The following MPDZ variants were observed in gnomAD, a reference collection of about 807,000 sequenced individuals.
MPDZ encodes multiple PDZ domain crumbs cell polarity complex component.
In MPDZ, 234 loss-of-function variants were observed where a neutral mutation model predicts 239.1. The observed-to-expected ratio is 0.98, with a 90% CI of 0.88 to 1.09. The LOEUF (loss-of-function observed/expected upper bound fraction) is 1.09, where lower values mean the gene tolerates loss of function less well. Among genes scored for constraint, MPDZ ranks in the 50% least tolerant of loss-of-function variants. MPDZ has a pLI of 0.00. For synonymous variants in MPDZ, 1,048 were observed against 881.3 expected (o/e 1.19, Z -3.35); for missense variants, 3,175 against 2,510.0 (o/e 1.26, Z -5.66).
At chr9:13,261,244 G>A (rs1400769582) in intron 1 of MPDZ, among the ~76,000 whole-genome samples, 1 of 152,182 alleles carries the variant, frequency 6.6e-6, no homozygotes, top group Non-Finnish European at 1.5e-5. Flanking sequence ...CCGACATTAA[G>A]AGAGGCAGGC....
chr9:13,265,788 T>A (rs1356974727), intron 1 of MPDZ, among the ~76,000 whole-genome samples: 1 of 152,114 alleles, frequency 6.6e-6, no homozygotes, highest in Non-Finnish European at 1.5e-5. Context: ...AGGTGGCTTG[T>A]CAGTTGTGAC....
chr9:13,198,641 T>C (rs1335450317), intron 12 of MPDZ, among the ~76,000 whole-genome samples: 1 of 151,904 alleles, frequency 6.6e-6, no homozygotes, highest in African/African-American at 2.4e-5. Context: ...TTTTGTGAAA[T>C]TACATAAAAA....
chr9:13,232,220 G>C (rs1224284943), intron 3 of MPDZ, among the ~76,000 whole-genome samples: 1 of 152,138 alleles, frequency 6.6e-6, no homozygotes, highest in Non-Finnish European at 1.5e-5. Flanking sequence ...TGTAATAAGT[G>C]AACTTAGTAA....
intron 24 of MPDZ, among the ~76,000 whole-genome samples, chr9:13,152,288 C>T (rs1949278377): frequency 2.0e-5 from 3 of 152,092 alleles, no homozygotes; most frequent in African/African-American, 7.2e-5. Context: ...CTAACCTCCC[C>T]TGCTGATATG....
At chr9:13,272,677 A>C (rs1257951542) in intron 1 of MPDZ, among the ~76,000 whole-genome samples, 27 of 149,790 alleles carry the variant, frequency 1.8e-4, no homozygotes, top group African/African-American at 6.4e-4. Flanking sequence ...AGCCAGGCTA[A>C]CATGGTGAAA....
chr9:13,261,126 A>G (rs1970588982), intron 1 of MPDZ, among the ~76,000 whole-genome samples: 1 of 152,214 alleles, frequency 6.6e-6, no homozygotes, highest in Non-Finnish European at 1.5e-5. Flanking sequence ...ACAAGAGTTG[A>G]GAAGATAGAA....
chr9:13,202,688 C>T (rs1956529841), intron 12 of MPDZ, among the ~76,000 whole-genome samples: 1 of 152,182 alleles, frequency 6.6e-6, no homozygotes, highest in Non-Finnish European at 1.5e-5. Flanking sequence ...TGAATGTCTA[C>T]CTCCAATTTC....
intron 3 of MPDZ, among the ~76,000 whole-genome samples, chr9:13,240,708 T>C (rs185936414): frequency 6.7e-6 from 1 of 149,516 alleles, no homozygotes; most frequent in African/African-American, 2.4e-5. Context: ...CCCAATTTCC[T>C]CACTGGATAA....
chr9:13,210,799 A>G (rs564871310), intron 10 of MPDZ, among the ~76,000 whole-genome samples: 2 of 152,224 alleles, frequency 1.3e-5, no homozygotes, highest in South Asian at 4.1e-4. Flanking sequence ...TTAAAAATCC[A>G]TCATCTGTTA....
intron 1 of MPDZ, among the ~76,000 whole-genome samples, chr9:13,275,210 G>A (rs906468272): frequency 1.3e-5 from 2 of 152,140 alleles, no homozygotes; most frequent in African/African-American, 4.8e-5. Flanking sequence ...AAAATTCACA[G>A]GAAATCCTAA....
At position 13,192,126 on chromosome 9, in the gene MPDZ, G is replaced by A; in HGVS notation, c.1968+5C>T. 1 of 1,587,254 alleles carries A rather than the reference G, an allele frequency of 6.3e-7. No homozygotes were observed. Among genetic ancestry groups the A allele is most frequent in the Non-Finnish European group, 8.6e-7 (1 of 1,165,628 alleles). On this transcript the variant is annotated splice_donor_5th_base_variant and intron_variant, in intron 15 of 46. Transcript: ENST00000319217. ...AGGTTAGCCTCATGTATGCAAATCT[G>A]ATACCTTTTCTGTTAGCTCAATATC...
intron 39 of MPDZ, among the ~76,000 whole-genome samples, chr9:13,119,256 A>T (rs1262810634): frequency 6.6e-6 from 1 of 151,992 alleles, no homozygotes; most frequent in East Asian, 1.9e-4. Context: ...ACTAATTTTT[A>T]TATTTTTTTG....
chr9:13,228,011 T>C (rs1587956682), intron 3 of MPDZ, among the ~76,000 whole-genome samples: 1 of 152,182 alleles, frequency 6.6e-6, no homozygotes, highest in Non-Finnish European at 1.5e-5. Flanking sequence ...CGAGTGTATC[T>C]TATTTGCCTT....
At chr9:13,225,506 C>G (rs1960286962) in intron 3 of MPDZ, among the ~76,000 whole-genome samples, 1 of 151,934 alleles carries the variant, frequency 6.6e-6, no homozygotes, top group Non-Finnish European at 1.5e-5. Flanking sequence ...ACTGATTCAC[C>G]TATAGTAACT....
At chr9:13,225,262 A>G (rs1027088877) in intron 3 of MPDZ, among the ~76,000 whole-genome samples, 4 of 152,086 alleles carry the variant, frequency 2.6e-5, no homozygotes, top group Admixed American at 6.6e-5. Context: ...TTTATTATTG[A>G]AGGAAGTTTT....
intron 13 of MPDZ, among the ~76,000 whole-genome samples, chr9:13,194,120 T>A (rs749443733): frequency 2.6e-5 from 4 of 152,192 alleles, no homozygotes; most frequent in Non-Finnish European, 5.9e-5. Context: ...CCTGTTACAC[T>A]ACTTCCCTTA....
At chr9:13,162,358 A>T (rs189526798) in intron 23 of MPDZ, among the ~76,000 whole-genome samples, 5 of 152,038 alleles carry the variant, frequency 3.3e-5, no homozygotes, top group Admixed American at 6.6e-5. Context: ...TTAAAAGAGT[A>T]AAAAAATCAT....
chr9:13,129,368 C>A (rs540858617), intron 32 of MPDZ, among the ~76,000 whole-genome samples: 2 of 151,214 alleles, frequency 1.3e-5, no homozygotes, highest in Middle Eastern at 3.4e-3. Flanking sequence ...GAGGCTGATG[C>A]AGGAGAATCG....
intron 27 of MPDZ, among the ~76,000 whole-genome samples, 158 bp from the exon 28 acceptor site, chr9:13,140,307 TCTAA>T (rs1192777391): frequency 2.0e-5 from 3 of 148,166 alleles, no homozygotes; most frequent in Non-Finnish European, 4.5e-5. Flanking sequence ...ATATAAAATA[TCTAA>T]CAAATAATGG....
Sources: allele counts gnomAD v4.1 joint callset (sites outside exome capture counted in the v4.1 genomes callset), GRCh38; gene constraint gnomAD v4.1.1; transcripts MANE v1.5; gene names NCBI Gene and HGNC (gene_info 2026-07-23, HGNC 2026-07-21).